The following EBF4 variants were observed in gnomAD, a reference collection of about 807,000 sequenced individuals.
The protein encoded by EBF4 is transcription factor COE4.
EBF4 carries 34 observed loss-of-function variants against 67.1 expected under a neutral mutation model. That is an observed-to-expected ratio of 0.51 (90% CI 0.39 to 0.67). The LOEUF (loss-of-function observed/expected upper bound fraction) is 0.67. Among genes scored for constraint, EBF4 ranks in the 30% least tolerant of loss-of-function variants. The probability of loss-of-function intolerance (pLI) is 0.00; values close to 1 mark genes in which losing one functional copy is unlikely to be tolerated. For synonymous variants in EBF4, 387 were observed against 377.7 expected (o/e 1.02, Z -0.29); for missense variants, 837 against 873.3 (o/e 0.96, Z 0.52).
At chr20:2,715,704 A>G (rs559298121) in intron 6 of EBF4, among the ~76,000 whole-genome samples, 9 of 152,298 alleles carry the variant, frequency 5.9e-5, no homozygotes, top group African/African-American at 2.2e-4. Context: ...TGCATTTTCC[A>G]GATTACTATT....
chr20:2,714,311 C>G (rs1490635294), intron 6 of EBF4, among the ~76,000 whole-genome samples: 2 of 149,884 alleles, frequency 1.3e-5, no homozygotes, highest in African/African-American at 4.9e-5. Context: ...TCCTTCCTTC[C>G]TTCTTTCCTT....
At chr20:2,758,981 T>A in exon 16 of EBF4, 1 of 1,551,728 alleles carries the variant, frequency 6.4e-7, no homozygotes, top group Non-Finnish European at 8.7e-7. Context: ...TACTCCTAAT[T>A]ACGGTAGGTC....
At chr20:2,706,073 C>T in intron 3 of EBF4, 36 bp downstream of exon 3, 1 of 1,549,194 alleles carries the variant, frequency 6.5e-7, no homozygotes, top group Non-Finnish European at 8.7e-7. Context: ...AGCCCTGCCC[C>T]TGAAGTCTGG....
intron 6 of EBF4, among the ~76,000 whole-genome samples, chr20:2,737,178 A>G (rs1211706555): frequency 8.8e-5 from 13 of 147,926 alleles, no homozygotes; most frequent in East Asian, 2.1e-4. Context: ...TGAACCCGGG[A>G]GGCGGAGCTT....
In EBF4 at chr20:2,695,402, G is replaced by A. The variant is rs113896264; in HGVS notation, c.137+1620G>A. ...GGCTTCCCCCAGAGCATGGGCCACA[G>A]CAGTGGTGTCTGCGCATAGTGGGGT... is the stretch of plus-strand genomic sequence containing the variant. On this transcript the variant is annotated intron_variant, in intron 1 of 16. Transcript: ENST00000609451. 9.4e-3 allele frequency among the ~76,000 whole-genome samples: 1,428 copies of A among 152,310 alleles called. 22 individuals are homozygous for A. The highest frequency in any genetic ancestry group is 0.03 in the African/African-American group (1,236 of 41,548).
At chr20:2,692,918 G>C (rs1364814702), upstream of EBF4, 9 of 146,400 alleles carry the variant, frequency 6.1e-5, no homozygotes, top group South Asian at 1.4e-3. The surrounding 1 kb of genome is among the most constrained non-coding windows in gnomAD (Gnocchi z 6.4). Context: ...GCCCCGGGGG[G>C]AGTCGGCCGG....
chr20:2,721,490 T>G (rs974363287), intron 6 of EBF4, among the ~76,000 whole-genome samples: 1 of 152,186 alleles, frequency 6.6e-6, no homozygotes, highest in African/African-American at 2.4e-5. Flanking sequence ...AGTCTCGCTC[T>G]GTCACCCAGG....
rs1050704586 is a variant in EBF4, at chr20:2,755,830, T to G, written c.1738+6T>G. 1.3e-6 allele frequency: 2 copies of G among 1,544,492 alleles called. No individual in the cohort carries two copies. The highest frequency in any genetic ancestry group is 3.9e-5 in the Admixed American group (2 of 50,896). ...CCACGGAGAGGGGCTTCCAGGTGAGTGATCCACCCTGCCTCACTGTGGCAG... is the reference window on the plus strand; with the variant it reads ...CCACGGAGAGGGGCTTCCAGGTGAGGGATCCACCCTGCCTCACTGTGGCAG... On this transcript the variant is annotated splice_donor_region_variant and intron_variant, in intron 15 of 16. Coordinates refer to ENST00000609451, the Ensembl canonical transcript of EBF4. This position sits in a 1 kb window ranked among gnomAD's most constrained non-coding sequence, Gnocchi z 4.7.
chr20:2,736,539 T>G (rs1600229537), intron 6 of EBF4, among the ~76,000 whole-genome samples: 2 of 152,192 alleles, frequency 1.3e-5, no homozygotes, highest in Admixed American at 1.3e-4. Context: ...CCTTCCACGC[T>G]TTCCAGCAGG....
chr20:2,706,352 G>T (rs1333884003), intron 4 of EBF4, 88 bp downstream of exon 4: 3 of 1,450,264 alleles, frequency 2.1e-6, no homozygotes, highest in Non-Finnish European at 2.8e-6. Context: ...CCTTGTTCCT[G>T]CCCTCATCTC....
intron 6 of EBF4, among the ~76,000 whole-genome samples, chr20:2,713,264 T>G (rs1304320917): frequency 1.3e-5 from 2 of 152,130 alleles, no homozygotes; most frequent in African/African-American, 2.4e-5. Flanking sequence ...TGGTTTTAGC[T>G]GGGAGCATAG....
At position 2,751,938 on chromosome 20, in the gene EBF4, G is replaced by C; in HGVS notation, c.1124G>C (p.Arg375Pro). 2 of 1,549,230 alleles carry C rather than the reference G, an allele frequency of 1.3e-6. No individual in the cohort carries two copies. Among genetic ancestry groups the C allele is most frequent in the Non-Finnish European group, 1.7e-6 (2 of 1,146,784 alleles). ...TGTCCCCAGGAAGTGCTGCTGAAGC[G>C]GGCGGCCGACTTGGCAGAAGCCCTG... is the stretch of plus-strand genomic sequence containing the variant. Residue 375 changes from arginine (R) to proline (P), a missense_variant, in exon 12 of 17, where the codon CGG becomes CCG. Physicochemically the swap from Arg to Pro is moderately radical, Grantham distance 103. Around this residue, in one of 3 missense-constraint regions of EBF4, gnomAD observed 525 missense variants for 496.5 expected, o/e 1.06. Coordinates refer to ENST00000609451, the Ensembl canonical transcript of EBF4. This position sits in a 1 kb window ranked among gnomAD's most constrained non-coding sequence, Gnocchi z 5.2.
intron 6 of EBF4, among the ~76,000 whole-genome samples, chr20:2,737,250 C>CA (rs777580766): frequency 0.21 from 24,493 of 114,574 alleles, 3,119 homozygotes; most frequent in Admixed American, 0.35. Flanking sequence ...AACTCCGTCT[C>CA]AAAAAAAAAA....
intron 6 of EBF4, among the ~76,000 whole-genome samples, chr20:2,713,291 A>G (rs2087567074): frequency 6.6e-6 from 1 of 152,154 alleles, no homozygotes; most frequent in African/African-American, 2.4e-5. Context: ...CATCCATGGA[A>G]AAGCAGGGAA....
At chr20:2,712,979 A>C (rs6084136) in intron 6 of EBF4, among the ~76,000 whole-genome samples, 61,580 of 151,882 alleles carry the variant, frequency 0.41, 14,142 homozygotes, top group African/African-American at 0.62. Flanking sequence ...GGGGCAGAAG[A>C]CTGATAGAAT....
Position 2,707,077 on chromosome 20 carries a change from C to T in EBF4, c.414+813C>T, listed in dbSNP as rs1459265110. 2.0e-5 allele frequency among the ~76,000 whole-genome samples: 3 copies of T among 152,164 alleles called. No homozygotes were observed. The highest frequency in any genetic ancestry group is 4.4e-5 in the Non-Finnish European group (3 of 68,018). On this transcript the variant is annotated intron_variant, in intron 4 of 16. Transcript: ENST00000609451. The surrounding 1 kb of genome is among the most constrained non-coding windows in gnomAD (Gnocchi z 4.6). ...GGGCCAGATTAGTGGGCTAGGAATG[C>T]AAGCTGGAGATCTGGGCTTCCTACA...
At chr20:2,736,367 T>G (rs1435426692) in intron 6 of EBF4, among the ~76,000 whole-genome samples, 2 of 152,136 alleles carry the variant, frequency 1.3e-5, no homozygotes, top group Admixed American at 6.5e-5. Context: ...TCTACTCTAT[T>G]GGGGGCAAAT....
At chr20:2,706,087 C>T (rs1227196867) in intron 3 of EBF4, 50 bp downstream of exon 3, 1 of 1,546,062 alleles carries the variant, frequency 6.5e-7, no homozygotes, top group Non-Finnish European at 8.8e-7. Flanking sequence ...AGTCTGGGCA[C>T]TGCAGCATCA....
intron 6 of EBF4, among the ~76,000 whole-genome samples, chr20:2,723,654 T>C (rs1233585563): frequency 6.6e-6 from 1 of 152,194 alleles, no homozygotes; most frequent in Non-Finnish European, 1.5e-5. Context: ...CGGCCAGATG[T>C]TTCTCTTTTA....
Sources: allele counts gnomAD v4.1 joint callset (sites outside exome capture counted in the v4.1 genomes callset), GRCh38; gene constraint gnomAD v4.1.1; regional missense constraint gnomAD v4.1.1; non-coding constraint Gnocchi (gnomAD v3.1); transcripts MANE v1.5; gene names NCBI Gene and HGNC (gene_info 2026-07-23, HGNC 2026-07-21).